Variants in AKAP10 observed in about 807,000 individuals in gnomAD.
AKAP10 encodes the protein A-kinase anchor protein 10, mitochondrial.
A neutral mutation model predicts 80.8 loss-of-function variants in AKAP10; 24 were observed. The observed-to-expected ratio is 0.30, with a 90% CI of 0.22 to 0.42. AKAP10 has a LOEUF of 0.42. AKAP10 is among the 10% of genes least tolerant of loss of function. AKAP10 has a pLI of 1.00. For synonymous variants in AKAP10, 291 were observed against 277.7 expected, an observed-to-expected ratio of 1.05 and a Z score of -0.48; for missense variants, 661 against 794.9, an observed-to-expected ratio of 0.83 and a Z score of 2.03.
At chr17:19,936,017 T>C (rs1031716517) in intron 9 of AKAP10, 1 of 283,736 alleles carries the variant, frequency 3.5e-6, no homozygotes, top group African/African-American at 2.2e-5. Context: ...TTAAAATTTA[T>C]TTTTTCTAAC....
At chr17:19,960,597 A>T (rs1567774067) in intron 3 of AKAP10, among the ~76,000 whole-genome samples, 1 of 152,200 alleles carries the variant, frequency 6.6e-6, no homozygotes, top group Non-Finnish European at 1.5e-5. Context: ...CCTGCTGAAG[A>T]ACATCCAGTT....
chr17:19,957,546 G>A (rs1329133752), intron 4 of AKAP10, among the ~76,000 whole-genome samples: 2 of 150,040 alleles, frequency 1.3e-5, no homozygotes, highest in African/African-American at 4.9e-5. Context: ...AAAAAAAAAA[G>A]ATAATCATGC....
At chr17:19,939,610 G>T in intron 8 of AKAP10, 103 bp downstream of exon 8, 1 of 1,356,976 alleles carries the variant, frequency 7.4e-7, no homozygotes, top group East Asian at 2.4e-5. Context: ...TGCCTCCTGT[G>T]AGCTCCTTGA....
At chr17:19,934,082 C>T (rs894821608) in intron 9 of AKAP10, among the ~76,000 whole-genome samples, 3 of 151,866 alleles carry the variant, frequency 2.0e-5, no homozygotes, top group Admixed American at 2.0e-4. Flanking sequence ...CCACCACGCC[C>T]GGCTAATTTT....
At chr17:19,974,399 G>A (rs939139449) in intron 1 of AKAP10, among the ~76,000 whole-genome samples, 2 of 152,064 alleles carry the variant, frequency 1.3e-5, no homozygotes, top group African/African-American at 4.8e-5. Context: ...TAAGTTTTGC[G>A]ATTTTTTTTT....
intron 8 of AKAP10, among the ~76,000 whole-genome samples, chr17:19,937,613 G>C (rs1035657988): frequency 1.3e-5 from 2 of 152,158 alleles, no homozygotes; most frequent in African/African-American, 4.8e-5. Flanking sequence ...ACTCCTCCAC[G>C]ACTTGAATGT....
chr17:19,915,994 C>A (rs2042738485), intron 12 of AKAP10, among the ~76,000 whole-genome samples: 1 of 152,250 alleles, frequency 6.6e-6, no homozygotes, highest in Admixed American at 6.5e-5. Context: ...AACTCACTCA[C>A]CTTCTACTGC....
At position 19,917,530 on chromosome 17, in the gene AKAP10, C is replaced by T. The variant is rs187501055; in HGVS notation, c.1834+2506G>A. 3.1e-3 allele frequency among the ~76,000 whole-genome samples: 478 copies of T among 152,266 alleles called. 1 individual carries two copies. The highest frequency in any genetic ancestry group is 0.011 in the African/African-American group (462 of 41,552). ...CATTACCTAGGTGGAAGTGCAATGG[C>T]GTGATCACAATTCACTGCAGCCGCA... On this transcript the variant is annotated intron_variant, in intron 12 of 14. Transcript: ENST00000225737.
intron 1 of AKAP10, among the ~76,000 whole-genome samples, chr17:19,976,212 C>T (rs2043564186): frequency 6.6e-6 from 1 of 151,960 alleles, no homozygotes; most frequent in African/African-American, 2.4e-5. Flanking sequence ...TCTGGCTGGC[C>T]GCGGTGGCTC....
At chr17:19,926,811 G>A (rs1351623043) in intron 10 of AKAP10, among the ~76,000 whole-genome samples, 2 of 152,194 alleles carry the variant, frequency 1.3e-5, no homozygotes, top group South Asian at 4.1e-4. Flanking sequence ...CAAATTAGAA[G>A]ACAATACTGT....
intron 2 of AKAP10, among the ~76,000 whole-genome samples, chr17:19,965,668 T>G (rs1351419103): frequency 2.6e-5 from 4 of 152,222 alleles, no homozygotes; most frequent in African/African-American, 9.6e-5. Flanking sequence ...AAGGTAAGTG[T>G]CATTGCCATG....
At chr17:19,925,497 T>C (rs2042866455) in intron 10 of AKAP10, among the ~76,000 whole-genome samples, 1 of 152,182 alleles carries the variant, frequency 6.6e-6, no homozygotes, top group Non-Finnish European at 1.5e-5. Flanking sequence ...GGTATTTTTG[T>C]GAAATACAGA....
chr17:19,972,727 T>C (rs1363179559), intron 1 of AKAP10, among the ~76,000 whole-genome samples: 1 of 152,188 alleles, frequency 6.6e-6, no homozygotes, highest in African/African-American at 2.4e-5. Flanking sequence ...AGTACTGGTA[T>C]TACAGGCGTG....
intron 5 of AKAP10, among the ~76,000 whole-genome samples, chr17:19,943,017 G>C (rs191436966): frequency 6.6e-5 from 10 of 152,016 alleles, no homozygotes; most frequent in African/African-American, 2.2e-4. Context: ...TCAGCCTTCT[G>C]AGTAGCTGAG....
intron 4 of AKAP10, among the ~76,000 whole-genome samples, chr17:19,953,148 C>G (rs1188332747): frequency 6.6e-6 from 1 of 151,844 alleles, no homozygotes; most frequent in Non-Finnish European, 1.5e-5. Context: ...AACTAAATAA[C>G]ATATTTCTAA....
At chr17:19,916,714 G>A (rs186399112) in intron 12 of AKAP10, among the ~76,000 whole-genome samples, 12 of 151,266 alleles carry the variant, frequency 7.9e-5, no homozygotes, top group Admixed American at 5.9e-4. Flanking sequence ...GAGGTGGGCG[G>A]ATCACGACAT....
In AKAP10 at chr17:19,916,757, G is replaced by C. The variant is rs181720376; in HGVS notation, c.1834+3279C>G. ...TCGAGACCATCCTGGCTAATGCGGT[G>C]AAACCCCGTCTCTTCTAAAAATACA... On this transcript the variant is annotated intron_variant, in intron 12 of 14. Transcript: ENST00000225737. Among the ~76,000 whole-genome samples, 658 of 151,214 alleles carry C rather than the reference G, an allele frequency of 4.4e-3. 4 individuals carry two copies. Among genetic ancestry groups the C allele is most frequent in the African/African-American group, 0.016 (640 of 41,170 alleles).
intron 11 of AKAP10, among the ~76,000 whole-genome samples, chr17:19,921,455 CA>C (rs1266909838): frequency 1.3e-5 from 2 of 151,648 alleles, no homozygotes; most frequent in African/African-American, 4.8e-5. Context: ...TGTGTCCAGC[CA>C]AAAGTATGAA....
intron 5 of AKAP10, among the ~76,000 whole-genome samples, chr17:19,942,239 C>T (rs904111784): frequency 1.4e-4 from 21 of 152,106 alleles, no homozygotes; most frequent in Non-Finnish European, 3.1e-4. Flanking sequence ...ATACCAAGAG[C>T]TCTTATAAAC....
Sources: gnomAD v4.1 joint callset for allele counts (sites outside exome capture counted in the v4.1 genomes callset) on GRCh38, gnomAD v4.1.1 for gene constraint, MANE v1.5 for transcripts, NCBI Gene and HGNC (gene_info 2026-07-23, HGNC 2026-07-21) for gene names.